The following SYNRG variants were observed in gnomAD, a reference collection of about 807,000 sequenced individuals.
SYNRG encodes AP1 gamma subunit binding protein 1.
A neutral mutation model predicts 130.9 loss-of-function variants in SYNRG; 37 were observed. The ratio of observed to expected loss-of-function variants is 0.28; its 90% CI spans 0.22 to 0.37. The LOEUF (loss-of-function observed/expected upper bound fraction) is 0.37, where lower values mean the gene tolerates loss of function less well. Ranked by LOEUF, SYNRG falls within the 10% of genes least tolerant of loss-of-function variation. SYNRG has a pLI of 1.00. For synonymous variants in SYNRG, 539 were observed against 568.1 expected (o/e 0.95, Z 0.73); for missense variants, 1,338 against 1,588.9 (o/e 0.84, Z 2.68).
chr17:37,544,337 G>T (rs2058068464), intron 14 of SYNRG, among the ~76,000 whole-genome samples: 1 of 150,870 alleles, frequency 6.6e-6, no homozygotes, highest in Non-Finnish European at 1.5e-5. Flanking sequence ...TTTTTGAGAT[G>T]GAGTTTCACT....
chr17:37,589,566 C>T (rs954932999), intron 3 of SYNRG, among the ~76,000 whole-genome samples: 4 of 151,474 alleles, frequency 2.6e-5, no homozygotes, highest in Non-Finnish European at 4.4e-5. Flanking sequence ...CTGGCTAACA[C>T]GATGAAATCC....
chr17:37,584,566 A>G (rs777529359), intron 6 of SYNRG, 82 bp downstream of exon 6: 2 of 1,088,744 alleles, frequency 1.8e-6, no homozygotes, highest in Admixed American at 3.7e-5. Flanking sequence ...TTTCACACAC[A>G]CATATAATGG....
At chr17:37,577,341 G>T in intron 7 of SYNRG, 39 bp downstream of exon 7, 1 of 1,571,834 alleles carries the variant, frequency 6.4e-7, no homozygotes, top group Non-Finnish European at 8.8e-7. Context: ...AGCAACATTT[G>T]GTTAAACAAG....
At chr17:37,569,037 T>A in intron 10 of SYNRG, 113 bp from the exon 11 acceptor site, 1 of 1,098,104 alleles carries the variant, frequency 9.1e-7, no homozygotes, top group Non-Finnish European at 1.3e-6. Flanking sequence ...TTAGATACAT[T>A]AACTCAAGTG....
intron 1 of SYNRG, among the ~76,000 whole-genome samples, chr17:37,603,797 C>G (rs1436437264): frequency 6.6e-6 from 1 of 152,118 alleles, no homozygotes; most frequent in East Asian, 1.9e-4. Context: ...TTTGAAAAGC[C>G]CTGAGATTTT....
At chr17:37,565,894 CCCCGTCCGGG>C (rs2059927102) in intron 11 of SYNRG, among the ~76,000 whole-genome samples, 1 of 147,816 alleles carries the variant, frequency 6.8e-6, no homozygotes, top group African/African-American at 2.6e-5. Context: ...CCGGCAGCCA[CCCCGTCCGGG>C]AGGGAGGTGG....
chr17:37,571,898 G>A lies in SYNRG; in HGVS notation c.991C>T (p.Pro331Ser). The change falls in exon 9 of 22, where the codon CCC becomes TCC. Residue 331 changes from proline (P) to serine (S), a missense_variant. Physicochemically the swap from Pro to Ser is moderately conservative, Grantham distance 74. Transcript: ENST00000612223. ...CATATCTGTCCAAGAGTTTCCCTGG[G>A]AAGCCCAGATGACATCAGAATGGGA... ...LYPILMSSGL[P>S]RETLGQIWAL... 1.2e-6 allele frequency: 2 copies of A among 1,614,190 alleles called. No individual in the cohort carries two copies. Among genetic ancestry groups the A allele is most frequent in the Non-Finnish European group, 1.7e-6 (2 of 1,180,034 alleles).
rs147398344 is a variant in SYNRG, at chr17:37,596,172, A to T, written c.240+51T>A. 368 of 1,595,840 alleles carry T rather than the reference A, an allele frequency of 2.3e-4. 1 individual carries two copies. The East Asian group carries it at 8.0e-3, about 35-fold the overall frequency. On this transcript the variant is annotated intron_variant, in intron 3 of 21. Coordinates refer to ENST00000612223, the MANE Select transcript of SYNRG (RefSeq NM_007247.6). ...TTAGCCTGTAGCTCTTGATATATAA[A>T]CGTAACAACAAACAATAACTTTGTA...
Position 37,586,492 on chromosome 17 carries a change from G to T in SYNRG, c.298C>A (p.Pro100Thr). 6.2e-7 allele frequency: 1 copy of T among 1,614,216 alleles called. No individual in the cohort carries two copies. The highest frequency in any genetic ancestry group is 8.5e-7 in the Non-Finnish European group (1 of 1,180,040). The change falls in exon 4 of 22, where the codon CCC (proline) becomes ACC (threonine). Residue 100 changes from proline (P) to threonine (T), a missense_variant. Physicochemically the swap from Pro to Thr is conservative, Grantham distance 38. This residue lies in a region of SYNRG where 184 missense variants were observed against 217.2 expected (regional missense o/e 0.85). Transcript: ENST00000612223. Reference protein sequence around the residue: ...AAGMPYLGQAPFLGMRPPGPQ... With the variant: ...AAGMPYLGQATFLGMRPPGPQ... ...CCTGGAGGACGCATGCCCAGGAAGGGTGCTTGTCCTAGGTAAGGCATTCCC... is the reference window on the plus strand; with the variant it reads ...CCTGGAGGACGCATGCCCAGGAAGGTTGCTTGTCCTAGGTAAGGCATTCCC...
Position 37,568,820 on chromosome 17 carries a change from T to G in SYNRG, c.1452A>C (p.Ser484=). ...FSDFQELPAS[S]KTSNSQHGNS... is the part of the protein sequence containing the mutation. ...TTCCATGCTGGGAGTTACTTGTTTT[T>G]GAAGAAGCAGGCAACTCTTGGAAAT... Residue 484 remains serine, a synonymous_variant, in exon 11 of 22, where the codon TCA becomes TCC. Transcript: ENST00000612223. The G allele has an allele frequency of 3.7e-6, 6 of 1,614,120 alleles. No individual in the cohort carries two copies. Among genetic ancestry groups the G allele is most frequent in the Non-Finnish European group, 5.1e-6 (6 of 1,180,004 alleles).
chr17:37,604,729 T>C (rs1385250303), intron 1 of SYNRG, among the ~76,000 whole-genome samples: 2 of 152,208 alleles, frequency 1.3e-5, no homozygotes, highest in South Asian at 2.1e-4. Context: ...ATGACTAAGC[T>C]TTATCATTTC....
At chr17:37,603,672 T>C (rs562832941) in intron 1 of SYNRG, among the ~76,000 whole-genome samples, 1 of 152,312 alleles carries the variant, frequency 6.6e-6, no homozygotes, top group East Asian at 1.9e-4. Flanking sequence ...TTCTGAGAAG[T>C]AGGTCTCAAC....
At position 37,609,396 on chromosome 17, in the gene SYNRG, A is replaced by G. The variant is rs904894406; in HGVS notation, c.-41T>C. ...CCGCTGCCTTCGCCGCCGCCACCTTATCAGCAGCTGTCAGCTGAACACAGC... is the reference window on the plus strand; with the variant it reads ...CCGCTGCCTTCGCCGCCGCCACCTTGTCAGCAGCTGTCAGCTGAACACAGC... On this transcript the variant is annotated 5_prime_UTR_variant, in exon 1 of 22. Transcript: ENST00000612223. 28 of 1,390,790 alleles carry G rather than the reference A, an allele frequency of 2.0e-5. No homozygotes were observed. The highest frequency in any genetic ancestry group is 2.5e-5 in the Non-Finnish European group (27 of 1,076,508). The allele number at this position is 1,390,790 out of a possible 1,614,324, so 86.2% of individuals were successfully genotyped here.
chr17:37,523,199 C>T (rs1403249434), intron 19 of SYNRG, among the ~76,000 whole-genome samples: 1 of 151,988 alleles, frequency 6.6e-6, no homozygotes, highest in Non-Finnish European at 1.5e-5. Context: ...ACTCTGTCAC[C>T]CAGGGTGGAG....
At chr17:37,563,500 G>A (rs980214235) in intron 11 of SYNRG, among the ~76,000 whole-genome samples, 4 of 152,108 alleles carry the variant, frequency 2.6e-5, no homozygotes, top group Non-Finnish European at 5.9e-5. Context: ...CAACCCCAAA[G>A]TCCTATATGT....
chr17:37,537,851 C>T (rs2057357046), intron 18 of SYNRG, among the ~76,000 whole-genome samples: 2 of 152,120 alleles, frequency 1.3e-5, no homozygotes, highest in Admixed American at 6.5e-5. Context: ...GCTCTGGCCA[C>T]GGGCCAAGCC....
At position 37,536,021 on chromosome 17, in the gene SYNRG, T is replaced by C. The variant is rs1045000; in HGVS notation, c.3624A>G (p.Val1208=). ...LQQLLKDIDK[V]WNNLIGFMSL... ...ACATGAAGCCGATTAGGTTATTCCA[T>C]ACTTTATCGATGTCCTTCAGCAACT... Residue 1208 remains valine (V), a synonymous_variant, in exon 19 of 22, where the codon GTA becomes GTG. Transcript: ENST00000612223. The C allele has an allele frequency of 0.22, 360,010 of 1,613,870 alleles. 41,540 individuals carry two copies. Among genetic ancestry groups the C allele is most frequent in the Admixed American group, 0.36 (21,524 of 59,996 alleles).
chr17:37,579,156 C>T, intron 6 of SYNRG: 6 of 1,202,834 alleles, frequency 5.0e-6, no homozygotes, highest in Non-Finnish European at 6.4e-6. Context: ...CTGTGTGAGG[C>T]TGAAGCAGTA....
At position 37,577,595 on chromosome 17, in the gene SYNRG, T is replaced by G. The variant is rs564423612; in HGVS notation, c.608A>C (p.Lys203Thr). ...ACTTATATCACAAGATACTAGGAAC[T>G]TCTCCTCCAAGGAAGGGCCTAAACA... ...PKKPGPSLEE[K>T]FLVSCDISTS... The change falls in exon 7 of 22, where the codon AAG becomes ACG. Residue 203 changes from lysine to threonine, a missense_variant. Physicochemically the swap from Lys to Thr is moderately conservative, Grantham distance 78. Coordinates refer to ENST00000612223, the MANE Select transcript of SYNRG (RefSeq NM_007247.6). The G allele has an allele frequency of 6.2e-7, 1 of 1,614,108 alleles. No individual in the cohort carries two copies.
Sources: allele counts gnomAD v4.1 joint callset (sites outside exome capture counted in the v4.1 genomes callset), GRCh38; gene constraint gnomAD v4.1.1; regional missense constraint gnomAD v4.1.1; transcripts MANE v1.5; gene names NCBI Gene and HGNC (gene_info 2026-07-23, HGNC 2026-07-21).